Variants in SLC25A48 observed in about 807,000 individuals in gnomAD.
SLC25A48 encodes the protein CTC-321K16.1.
SLC25A48 carries 29 observed loss-of-function variants against 32.2 expected under a neutral mutation model. The ratio of observed to expected loss-of-function variants is 0.90; its 90% confidence interval spans 0.67 to 1.23. The LOEUF (loss-of-function observed/expected upper bound fraction) is 1.23. SLC25A48 is among the 50% of genes most tolerant of loss of function. SLC25A48 has a pLI of 0.00. For missense variants in SLC25A48, 399 were observed against 422.7 expected (o/e 0.94, Z 0.49); for synonymous variants, 164 against 172.3 (o/e 0.95, Z 0.38).
At chr5:135,799,873 C>T (rs1421677640) in intron 3 of SLC25A48, among the ~76,000 whole-genome samples, 1 of 151,584 alleles carries the variant, frequency 6.6e-6, no homozygotes. Flanking sequence ...TCCTAATATC[C>T]AGGGGAAAAT....
intron 7 of SLC25A48, among the ~76,000 whole-genome samples, chr5:135,887,255 G>A (rs1762766927): frequency 6.6e-6 from 1 of 152,108 alleles, no homozygotes; most frequent in Non-Finnish European, 1.5e-5. Flanking sequence ...TAAACAGAGG[G>A]CAATTGTGTT....
chr5:135,645,836 G>A (rs571567286), intron 3 of SLC25A48, among the ~76,000 whole-genome samples: 1 of 152,224 alleles, frequency 6.6e-6, no homozygotes, highest in South Asian at 2.1e-4. Flanking sequence ...CTCATGTGCT[G>A]TTTGGAGAGA....
intron 2 of SLC25A48, among the ~76,000 whole-genome samples, chr5:135,631,965 C>T (rs540471947): frequency 1.7e-4 from 26 of 152,278 alleles, no homozygotes; most frequent in Non-Finnish European, 2.5e-4. Flanking sequence ...GTCTTTGAGA[C>T]GATGTCAGCC....
At chr5:135,813,948 G>A (rs1360669357) in intron 4 of SLC25A48, among the ~76,000 whole-genome samples, 2 of 152,136 alleles carry the variant, frequency 1.3e-5, no homozygotes, top group Non-Finnish European at 2.9e-5. Context: ...GTGAATCCCC[G>A]AGAAAGAAAA....
At chr5:135,814,493 A>C (rs1757667946) in intron 4 of SLC25A48, among the ~76,000 whole-genome samples, 1 of 152,204 alleles carries the variant, frequency 6.6e-6, no homozygotes, top group Admixed American at 6.5e-5. Context: ...AGGATGGGTC[A>C]GATGGTCCCT....
chr5:135,658,072 C>T (rs1279890577), intron 3 of SLC25A48, among the ~76,000 whole-genome samples: 6 of 152,214 alleles, frequency 3.9e-5, no homozygotes, highest in Admixed American at 3.3e-4. Flanking sequence ...AAAACACAGT[C>T]ATGCCTTCCC....
chr5:135,886,628 T>A (rs1373755721), intron 7 of SLC25A48, among the ~76,000 whole-genome samples: 4 of 23,576 alleles, frequency 1.7e-4, no homozygotes, highest in African/African-American at 7.0e-4. Context: ...TATATATATA[T>A]ATATATATAA....
chr5:135,801,157 G>T (rs961347857), intron 3 of SLC25A48, among the ~76,000 whole-genome samples: 4 of 150,932 alleles, frequency 2.7e-5, no homozygotes, highest in African/African-American at 7.3e-5. Flanking sequence ...ATCACAGAAG[G>T]TGTATACCCT....
Position 135,710,230 on chromosome 5 carries a change from C to G in SLC25A48, c.-521+75274C>G, listed in dbSNP as rs12659213. Among the ~76,000 whole-genome samples, 8 of 152,292 alleles carry G rather than the reference C, an allele frequency of 5.3e-5. No homozygotes were observed. The East Asian group carries it at 7.7e-4, about 15-fold the overall frequency. ...CCTGCTGCAAAGGGCAGCTGGTTTTCGCACAGCTTTGCAGTCTGTATGTAC... is the reference window on the plus strand; with the variant it reads ...CCTGCTGCAAAGGGCAGCTGGTTTTGGCACAGCTTTGCAGTCTGTATGTAC... On this transcript the variant is annotated intron_variant, in intron 3 of 10. Coordinates refer to the SLC25A48 transcript ENST00000646290.
intron 4 of SLC25A48, among the ~76,000 whole-genome samples, chr5:135,828,037 G>T (rs934476177): frequency 1.3e-5 from 2 of 152,260 alleles, no homozygotes; most frequent in African/African-American, 4.8e-5. Flanking sequence ...AGGGCCGAGA[G>T]CCCTGCAGTA....
rs1753473301 is a variant in SLC25A48, at chr5:135,664,369, T to C, written c.-521+29413T>C. ...CCTCCAGCTCTCTAGCCCAAACATGTCTGCATTCCAGTGGTGAGCATGGAC... is the reference window on the plus strand; with the variant it reads ...CCTCCAGCTCTCTAGCCCAAACATGCCTGCATTCCAGTGGTGAGCATGGAC... On this transcript the variant is annotated intron_variant, in intron 3 of 10. Coordinates refer to the SLC25A48 transcript ENST00000646290. Among the ~76,000 whole-genome samples, 3 of 152,272 alleles carry C rather than the reference T, an allele frequency of 2.0e-5. No homozygotes were observed. In the South Asian group the frequency reaches 6.2e-4, roughly 32 times the overall value.
intron 3 of SLC25A48, among the ~76,000 whole-genome samples, chr5:135,789,414 G>A (rs969152704): frequency 4.0e-5 from 6 of 151,488 alleles, no homozygotes; most frequent in East Asian, 2.0e-4. Context: ...CCAGGTGGCC[G>A]GGGTGTATAC....
chr5:135,639,840 A>G (rs1319504870), intron 3 of SLC25A48, among the ~76,000 whole-genome samples: 1 of 152,238 alleles, frequency 6.6e-6, no homozygotes, highest in East Asian at 1.9e-4. Flanking sequence ...AATAGCTTTT[A>G]AAGGATGAGA....
At chr5:135,842,320 G>A (rs1759074331) in intron 1 of SLC25A48, 96 bp from the exon 2 acceptor site, 11 of 1,316,574 alleles carry the variant, frequency 8.4e-6, no homozygotes, top group African/African-American at 2.9e-5. Context: ...GCAATTGACC[G>A]TTGACTAAAC....
chr5:135,728,277 G>C (rs75648894), intron 3 of SLC25A48, among the ~76,000 whole-genome samples: 1,922 of 151,046 alleles, frequency 0.013, 42 homozygotes, highest in African/African-American at 0.043. Context: ...AAAAAATGTG[G>C]CTTTCTATAG....
chr5:135,648,046 G>C (rs1184728897), intron 3 of SLC25A48, among the ~76,000 whole-genome samples: 1 of 152,170 alleles, frequency 6.6e-6, no homozygotes, highest in Non-Finnish European at 1.5e-5. Flanking sequence ...CCTGTGATGA[G>C]AGGCCTCAAC....
chr5:135,884,880 CT>C (rs1321865641), intron 7 of SLC25A48, among the ~76,000 whole-genome samples: 2 of 88,278 alleles, frequency 2.3e-5, no homozygotes, highest in African/African-American at 1.5e-4. Flanking sequence ...GGTGTCTGAG[CT>C]TTTCCTAGTT....
intron 3 of SLC25A48, among the ~76,000 whole-genome samples, chr5:135,668,993 A>G (rs1753587293): frequency 6.6e-6 from 1 of 152,172 alleles, no homozygotes; most frequent in Non-Finnish European, 1.5e-5. Context: ...TTCTAATAAA[A>G]GAGAATGTCA....
At chr5:135,818,058 T>TCTCC (rs1757775525) in intron 4 of SLC25A48, among the ~76,000 whole-genome samples, 1 of 6,810 alleles carries the variant, frequency 1.5e-4, no homozygotes, top group South Asian at 8.9e-3. Flanking sequence ...TCTGTTCCTC[T>TCTCC]CTCTCTCTCT....
Sources: gnomAD v4.1 joint callset for allele counts (sites outside exome capture counted in the v4.1 genomes callset) on GRCh38, gnomAD v4.1.1 for gene constraint, MANE v1.5 for transcripts, NCBI Gene and HGNC (gene_info 2026-07-23, HGNC 2026-07-21) for gene names.